Variants in ATP6V0E2 observed in about 807,000 individuals in gnomAD.
The protein encoded by ATP6V0E2 is ATPase H+ transporting V0 subunit e2.
In ATP6V0E2, 4 loss-of-function variants were observed where a neutral mutation model predicts 11.5. The observed-to-expected ratio is 0.35, with a 90% CI of 0.17 to 0.80. The LOEUF is 0.80. ATP6V0E2 is among the 30% of genes least tolerant of loss of function. ATP6V0E2 has a pLI of 0.53. For missense variants in ATP6V0E2, 93 were observed against 113.5 expected, an observed-to-expected ratio of 0.82 and a Z score of 0.82; for synonymous variants, 52 against 51.0, an observed-to-expected ratio of 1.02 and a Z score of -0.09.
chr7:149,878,440 C>T (rs954619545), intron 2 of ATP6V0E2, among the ~76,000 whole-genome samples: 3 of 152,164 alleles, frequency 2.0e-5, no homozygotes, highest in Admixed American at 1.3e-4. Flanking sequence ...AGCCCCAACT[C>T]GGGGATCCTG....
upstream of ATP6V0E2, chr7:149,873,174 C>T (rs891263372): frequency 1.3e-5 from 2 of 152,256 alleles, no homozygotes; most frequent in Non-Finnish European, 2.9e-5. Context: ...TTCATTTAAT[C>T]CTCCAGCAAC....
rs776648514 is a variant in ATP6V0E2, at chr7:149,879,378, A to T, written c.*63A>T. ...GACTGTGGCTCCACTGTCCCTGACA[A>T]CCCCTTCGTCCGGACCCTCCCCCAC... On this transcript the variant is annotated 3_prime_UTR_variant, in exon 4 of 4. Transcript: ENST00000425642. 6.3e-7 allele frequency: 1 copy of T among 1,578,202 alleles called. No homozygotes were observed. The highest frequency in any genetic ancestry group is 1.8e-5 in the Admixed American group (1 of 55,292).
At chr7:149,875,849 G>T (rs897888214) in intron 2 of ATP6V0E2, 2 of 684,546 alleles carry the variant, frequency 2.9e-6, no homozygotes, top group Non-Finnish European at 5.3e-6. Flanking sequence ...TCTGGATCTG[G>T]CTCTGCCCCC....
intron 2 of ATP6V0E2, chr7:149,876,075 T>A (rs1409533895): frequency 2.2e-6 from 1 of 459,908 alleles, no homozygotes; most frequent in Non-Finnish European, 4.4e-6. Context: ...AATGCAGCCA[T>A]CTTAGAACCA....
Position 149,879,728 on chromosome 7 carries a change from C to T in ATP6V0E2, c.*413C>T, listed in dbSNP as rs561136126. 34 of 1,300,800 alleles carry T rather than the reference C, an allele frequency of 2.6e-5. No homozygotes were observed. The highest frequency in any genetic ancestry group is 9.0e-5 in the East Asian group (3 of 33,296). 80.6% of individuals were successfully genotyped at this position (1,300,800 alleles called of 1,614,324 possible). ...GGTGCTCCGGCCCAGGCGGGGGAGTCAGTGCCCAGTCAGCAGCTCTGCCAC... is the reference window on the plus strand; with the variant it reads ...GGTGCTCCGGCCCAGGCGGGGGAGTTAGTGCCCAGTCAGCAGCTCTGCCAC... On this transcript the variant is annotated 3_prime_UTR_variant, in exon 4 of 4. Transcript: ENST00000425642.
intron 2 of ATP6V0E2, 39 bp downstream of exon 2, chr7:149,875,684 C>T (rs994870400): frequency 6.3e-7 from 1 of 1,595,446 alleles, no homozygotes; most frequent in South Asian, 1.1e-5. Context: ...CAGCCAGTTC[C>T]TTTGTCCTCC....
chr7:149,876,941 CA>C (rs1456244279), intron 2 of ATP6V0E2, among the ~76,000 whole-genome samples: 1 of 152,136 alleles, frequency 6.6e-6, no homozygotes, highest in Non-Finnish European at 1.5e-5. Flanking sequence ...AACCCACTTT[CA>C]AAAAATTTAC....
At position 149,879,458 on chromosome 7, in the gene ATP6V0E2, G is replaced by A. The variant is rs768120702; in HGVS notation, c.*143G>A. On this transcript the variant is annotated 3_prime_UTR_variant, in exon 4 of 4. Coordinates refer to ENST00000425642, the MANE Select transcript of ATP6V0E2 (RefSeq NM_145230.4). ...TGCTGGCACCCAGAGACCCGGACCC[G>A]CAGGGCCTGCCTGGTTCCTGGAAGT... The A allele has an allele frequency of 5.5e-5, 88 of 1,593,238 alleles. No homozygotes were observed. Among genetic ancestry groups the A allele is most frequent in the Non-Finnish European group, 7.2e-5 (84 of 1,170,618 alleles).
At chr7:149,875,803 A>AAG (rs1803099582) in intron 2 of ATP6V0E2, among the ~76,000 whole-genome samples, 158 bp downstream of exon 2, 1 of 152,172 alleles carries the variant, frequency 6.6e-6, no homozygotes, top group South Asian at 2.1e-4. Context: ...TGGAATGGGA[A>AAG]AGAGAGCAGT....
At position 149,879,537 on chromosome 7, in the gene ATP6V0E2, G is replaced by A. The variant is rs763116358; in HGVS notation, c.*222G>A. 3 of 1,562,524 alleles carry A rather than the reference G, an allele frequency of 1.9e-6. No individual in the cohort carries two copies. The highest frequency in any genetic ancestry group is 1.7e-6 in the Non-Finnish European group (2 of 1,154,994). On this transcript the variant is annotated 3_prime_UTR_variant, in exon 4 of 4. Transcript: ENST00000425642. ...CCTGGGGAGCCCTGGGCACAGCAGC[G>A]GCCGAGGGGATGTCCTGCTCCAATA...
At position 149,874,167 on chromosome 7, in the gene ATP6V0E2, C is replaced by T. The variant is rs372242142; in HGVS notation, c.102C>T (p.Arg34=). The T allele has an allele frequency of 4.2e-4, 652 of 1,548,564 alleles. 4 individuals are homozygous for T. In the East Asian group the frequency reaches 0.015, roughly 36 times the overall value. ...GPWFVPKGPN[R]GVIITMLVAT... is the part of the protein sequence containing the mutation. ...GGTTCGTGCCGAAGGGACCCAACCGCGGGTAAGGAAAGCGCGCAGGCCCTG... is the reference window on the plus strand; with the variant it reads ...GGTTCGTGCCGAAGGGACCCAACCGTGGGTAAGGAAAGCGCGCAGGCCCTG... Residue 34 remains arginine, a splice_region_variant and synonymous_variant, in exon 1 of 4, where the codon CGC becomes CGT. Transcript: ENST00000425642.
chr7:149,873,949 G>T (rs986705207), upstream of ATP6V0E2: 5 of 1,542,238 alleles, frequency 3.2e-6, no homozygotes, highest in African/African-American at 5.5e-5. Context: ...CCGGCTGATC[G>T]CTTCGGGTGC....
chr7:149,879,062 G>C (rs1803307104), intron 3 of ATP6V0E2: 1 of 1,351,312 alleles, frequency 7.4e-7, no homozygotes, highest in African/African-American at 1.4e-5. Context: ...AAGAAAAGGT[G>C]GGGAGGGGAC....
At position 149,874,180 on chromosome 7, in the gene ATP6V0E2, C is replaced by G; in HGVS notation, c.104+11C>G. ...GGGACCCAACCGCGGGTAAGGAAAGCGCGCAGGCCCTGCAGACCTCTCCAC... is the reference window on the plus strand; with the variant it reads ...GGGACCCAACCGCGGGTAAGGAAAGGGCGCAGGCCCTGCAGACCTCTCCAC... On this transcript the variant is annotated intron_variant, in intron 1 of 3. Coordinates refer to ENST00000425642, the MANE Select transcript of ATP6V0E2 (RefSeq NM_145230.4). 3.9e-6 allele frequency: 6 copies of G among 1,547,256 alleles called. No individual in the cohort carries two copies. The highest frequency in any genetic ancestry group is 5.2e-6 in the Non-Finnish European group (6 of 1,145,116).
At chr7:149,873,531 G>A (rs752046385), upstream of ATP6V0E2, 2 of 174,880 alleles carry the variant, frequency 1.1e-5, no homozygotes, top group Non-Finnish European at 2.4e-5. Context: ...CAGAGGGACA[G>A]CGGGGACCGC....
At chr7:149,873,642 T>G, upstream of ATP6V0E2, 3 of 345,314 alleles carry the variant, frequency 8.7e-6, no homozygotes, top group East Asian at 4.6e-5. Context: ...CGCAGGGCGC[T>G]TCGGGCCGAG....
At chr7:149,878,064 C>A (rs946280799) in intron 2 of ATP6V0E2, among the ~76,000 whole-genome samples, 1 of 152,192 alleles carries the variant, frequency 6.6e-6, no homozygotes, top group Non-Finnish European at 1.5e-5. Context: ...GCGTGGGGAC[C>A]TACTAACTAC....
In ATP6V0E2 at chr7:149,879,608, T is replaced by G. The variant is rs749367054; in HGVS notation, c.*293T>G. On this transcript the variant is annotated 3_prime_UTR_variant, in exon 4 of 4. Transcript: ENST00000425642. ...GCCCTCTTTCCCAAGGAGATGCTGC[T>G]GGGGAGCTGGTATGGGTGGGGTCTT... The G allele has an allele frequency of 1.4e-6, 2 of 1,475,848 alleles. No homozygotes were observed. The highest frequency in any genetic ancestry group is 1.8e-6 in the Non-Finnish European group (2 of 1,111,002). The allele number at this position is 1,475,848 out of a possible 1,614,324, so 91.4% of individuals were successfully genotyped here.
rs116837570 is a variant in ATP6V0E2, at chr7:149,875,992, A to G, written c.152+347A>G. On this transcript the variant is annotated intron_variant, in intron 2 of 3. Transcript: ENST00000425642. ...ACACAGTTTTCAGGCTGCACCCTACACCCATGAAATTACAACTCTCGAGAT... is the reference window on the plus strand; with the variant it reads ...ACACAGTTTTCAGGCTGCACCCTACGCCCATGAAATTACAACTCTCGAGAT... The G allele has an allele frequency of 3.6e-3, 1,822 of 512,734 alleles. 22 individuals carry two copies. The highest frequency in any genetic ancestry group is 0.034 in the African/African-American group (1,658 of 49,230). 31.8% of individuals were successfully genotyped at this position (512,734 alleles called of 1,614,324 possible). A position where few individuals can be genotyped will look rare whatever the true frequency, so the allele number is the denominator to read the frequency against.
Sources: allele counts gnomAD v4.1 joint callset (sites outside exome capture counted in the v4.1 genomes callset), GRCh38; gene constraint gnomAD v4.1.1; transcripts MANE v1.5; gene names NCBI Gene and HGNC (gene_info 2026-07-23, HGNC 2026-07-21).